The following CNOT6 variants were observed in gnomAD, a reference collection of about 807,000 sequenced individuals.
The protein encoded by CNOT6 is carbon catabolite repression 4 protein.
In CNOT6, 12 loss-of-function variants were observed where a neutral mutation model predicts 61.2. The observed-to-expected ratio is 0.20, with a 90% CI of 0.13 to 0.32. The LOEUF (loss-of-function observed/expected upper bound fraction) is 0.32. Ranked by LOEUF, CNOT6 falls within the 10% of genes least tolerant of loss-of-function variation. The pLI is 1.00. For missense variants in CNOT6, 405 were observed against 663.9 expected (o/e 0.61, Z 4.28); for synonymous variants, 225 against 240.6 (o/e 0.94, Z 0.60).
At chr5:180,513,843 A>G (rs1461960525) in intron 1 of CNOT6, among the ~76,000 whole-genome samples, 1 of 151,806 alleles carries the variant, frequency 6.6e-6, no homozygotes, top group South Asian at 2.1e-4. Context: ...AGCTGGGACT[A>G]CAGGCGCCCG....
chr5:180,573,780 C>A (rs974595766), intron 11 of CNOT6, among the ~76,000 whole-genome samples: 1 of 151,984 alleles, frequency 6.6e-6, no homozygotes, highest in Non-Finnish European at 1.5e-5. Context: ...GTTAAAGATC[C>A]AGATAAGAAG....
Position 180,528,655 on chromosome 5 carries a change from G to T in CNOT6, c.-2-620G>T, listed in dbSNP as rs993430876. On this transcript the variant is annotated intron_variant, in intron 1 of 11. Coordinates refer to ENST00000261951, the MANE Select transcript of CNOT6 (RefSeq NM_001370472.1). ...TAATTTTCAGGTGACTGAGTTTTTT[G>T]ATTTTTAGATAAAATTATGAATTCA... Among the ~76,000 whole-genome samples the T allele has an allele frequency of 2.8e-4, 42 of 151,936 alleles. 1 individual carries two copies. Among genetic ancestry groups the T allele is most frequent in the Admixed American group, 7.2e-4 (11 of 15,250 alleles).
chr5:180,494,798 C>A (rs987157704), intron 1 of CNOT6, 35 bp downstream of exon 1: 1 of 151,956 alleles, frequency 6.6e-6, no homozygotes, highest in Non-Finnish European at 1.5e-5. Flanking sequence ...GGTCGGGGCG[C>A]CGCTCCTCTC....
At chr5:180,566,027 A>C (rs368863966) in intron 7 of CNOT6, 50 bp downstream of exon 7, 64 of 1,516,624 alleles carry the variant, frequency 4.2e-5, no homozygotes, top group Non-Finnish European at 5.6e-5. Flanking sequence ...GGAAGGAGCA[A>C]CTAGGAATAC....
chr5:180,501,165 T>G (rs2127690505), intron 1 of CNOT6, among the ~76,000 whole-genome samples: 1 of 152,280 alleles, frequency 6.6e-6, no homozygotes, highest in South Asian at 2.1e-4. Flanking sequence ...ACATACTTTT[T>G]CAGGAGGCAC....
At position 180,527,507 on chromosome 5, in the gene CNOT6, C is replaced by T. The variant is rs915094617; in HGVS notation, c.-2-1768C>T. ...GTGTAACGTTCTGTAGTATTAAATA[C>T]GTTCACATGGTTGTGTCCTGTGGTG... On this transcript the variant is annotated intron_variant, in intron 1 of 11. Coordinates refer to ENST00000261951, the MANE Select transcript of CNOT6 (RefSeq NM_001370472.1). 2.6e-4 allele frequency among the ~76,000 whole-genome samples: 40 copies of T among 152,242 alleles called. 1 individual carries two copies. Among genetic ancestry groups the T allele is most frequent in the Admixed American group, 1.6e-3 (24 of 15,294 alleles).
chr5:180,502,111 G>T (rs888843314), intron 1 of CNOT6, among the ~76,000 whole-genome samples: 3 of 152,208 alleles, frequency 2.0e-5, no homozygotes, highest in African/African-American at 7.2e-5. Context: ...GTAGGCACCT[G>T]TGTTAGTCAC....
rs1758276495 is a variant in CNOT6, at chr5:180,529,931, A to G, written c.112+543A>G. 3.3e-5 allele frequency among the ~76,000 whole-genome samples: 5 copies of G among 152,322 alleles called. No homozygotes were observed. The South Asian group carries it at 1.0e-3, about 32-fold the overall frequency. The stretch of plus-strand genomic sequence containing the variant: ...GATCTCAAATTTCCCTTCCCCTTTT[A>G]ATGCAATCTGGACATATTCAAAGAA... On this transcript the variant is annotated intron_variant, in intron 2 of 11. Coordinates refer to ENST00000261951, the MANE Select transcript of CNOT6 (RefSeq NM_001370472.1).
rs746124196 is a variant in CNOT6, at chr5:180,569,168, G to A, written c.1086G>A (p.Met362Ile). 1.9e-6 allele frequency: 3 copies of A among 1,614,014 alleles called. No individual in the cohort carries two copies. The African/African-American group carries it at 4.0e-5, about 22-fold the overall frequency. The stretch of plus-strand genomic sequence containing the variant: ...TTATTCTTGTGGCTAACGCCCACAT[G>A]CATTGGGACCCTGAATACTCTGATG... ...KQLILVANAH[M>I]HWDPEYSDVK... Residue 362 changes from methionine (M) to isoleucine (I), a missense_variant, in exon 10 of 12, where the codon ATG becomes ATA. Transcript: ENST00000261951.
intron 1 of CNOT6, among the ~76,000 whole-genome samples, chr5:180,524,499 A>T (rs1284786502): frequency 2.0e-5 from 3 of 152,096 alleles, no homozygotes; most frequent in Non-Finnish European, 2.9e-5. Flanking sequence ...ATAGAGAAGC[A>T]CTGAAGAGAT....
At chr5:180,529,850 C>CT (rs1261788894) in intron 2 of CNOT6, among the ~76,000 whole-genome samples, 2 of 152,182 alleles carry the variant, frequency 1.3e-5, no homozygotes, top group East Asian at 1.9e-4. Flanking sequence ...GCTTCTGAGT[C>CT]TGAGTCACTG....
At chr5:180,552,625 A>C (rs538127256) in intron 3 of CNOT6, among the ~76,000 whole-genome samples, 4 of 150,540 alleles carry the variant, frequency 2.7e-5, no homozygotes, top group Non-Finnish European at 5.9e-5. Context: ...CAGCCTGGGC[A>C]ATGGAGCGAG....
intron 2 of CNOT6, among the ~76,000 whole-genome samples, chr5:180,541,744 G>T (rs1241666704): frequency 2.6e-5 from 4 of 151,534 alleles, no homozygotes; most frequent in African/African-American, 4.9e-5. Context: ...GAGCCACCAT[G>T]CCCGGCCAGA....
chr5:180,497,871 C>T (rs1298498439), intron 1 of CNOT6, among the ~76,000 whole-genome samples: 2 of 152,024 alleles, frequency 1.3e-5, no homozygotes, highest in African/African-American at 4.8e-5. Flanking sequence ...TGGAGAAACC[C>T]TGTCTCTACT....
At chr5:180,522,663 T>C (rs1581495250) in intron 1 of CNOT6, among the ~76,000 whole-genome samples, 2 of 151,998 alleles carry the variant, frequency 1.3e-5, no homozygotes, top group East Asian at 3.9e-4. Flanking sequence ...GTATGTCTTG[T>C]TTTTTGAGAC....
At chr5:180,506,822 T>A (rs1386770653) in intron 1 of CNOT6, among the ~76,000 whole-genome samples, 2 of 152,220 alleles carry the variant, frequency 1.3e-5, no homozygotes, top group Admixed American at 1.3e-4. Context: ...TTTTATACTA[T>A]CCTGGCTTCT....
At chr5:180,562,394 A>G (rs1430515859) in intron 4 of CNOT6, among the ~76,000 whole-genome samples, 2 of 152,014 alleles carry the variant, frequency 1.3e-5, no homozygotes, top group Non-Finnish European at 2.9e-5. Context: ...GACTTTATTC[A>G]TATATATTGT....
In CNOT6 at chr5:180,573,974, C is replaced by T. The variant is rs1561669810; in HGVS notation, c.1462-14C>T. 5 of 1,567,688 alleles carry T rather than the reference C, an allele frequency of 3.2e-6. No homozygotes were observed. The highest frequency in any genetic ancestry group is 1.4e-5 in the African/African-American group (1 of 73,730). ...TCTTATACGGTGCTTATCTTTTTTTCTGTTGTTTTTCAGGGTATAATAGAC... is the reference window on the plus strand; with the variant it reads ...TCTTATACGGTGCTTATCTTTTTTTTTGTTGTTTTTCAGGGTATAATAGAC... On this transcript the variant is annotated splice_polypyrimidine_tract_variant and intron_variant, in intron 11 of 11. Transcript: ENST00000261951.
chr5:180,557,333 G>A (rs1281778877), intron 4 of CNOT6, among the ~76,000 whole-genome samples: 16 of 147,678 alleles, frequency 1.1e-4, no homozygotes, highest in Non-Finnish European at 1.5e-5. Flanking sequence ...GTGGTTTTCT[G>A]TAGTGTAAGT....
Sources: allele counts gnomAD v4.1 joint callset (sites outside exome capture counted in the v4.1 genomes callset), GRCh38; gene constraint gnomAD v4.1.1; transcripts MANE v1.5; gene names NCBI Gene and HGNC (gene_info 2026-07-23, HGNC 2026-07-21).